The following ASAP2 variants were observed in gnomAD, a reference collection of about 807,000 sequenced individuals.
The protein encoded by ASAP2 is ArfGAP with SH3 domain, ankyrin repeat and PH domain 2, also known as arf-GAP with SH3 domain, ANK repeat and PH domain-containing protein 2.
ASAP2 carries 45 observed loss-of-function variants against 131.4 expected under a neutral mutation model. That is an observed-to-expected ratio of 0.34 (90% CI 0.27 to 0.44). The LOEUF is 0.44. Ranked by LOEUF, ASAP2 falls within the 20% of genes least tolerant of loss-of-function variation. The pLI is 1.00. For synonymous variants in ASAP2, 510 were observed against 503.0 expected (o/e 1.01, Z -0.19); for missense variants, 1,011 against 1,297.0 (o/e 0.78, Z 3.39).
At position 9,232,092 on chromosome 2, in the gene ASAP2, T is replaced by C. The variant is rs945947178; in HGVS notation, c.126+24862T>C. Among the ~76,000 whole-genome samples the C allele has an allele frequency of 9.2e-5, 14 of 152,242 alleles. No individual in the cohort carries two copies. The highest frequency in any genetic ancestry group is 2.2e-4 in the African/African-American group (9 of 41,462). On this transcript the variant is annotated intron_variant, in intron 1 of 27. Transcript: ENST00000281419. This position sits in a 1 kb window ranked among gnomAD's most constrained non-coding sequence, Gnocchi z 4.1. The stretch of plus-strand genomic sequence containing the variant: ...CCCACTGAGGTCATGGTGATTGTCT[T>C]AAAGATTTGCTCTTTAGCTTCTCAG...
Position 9,304,431 on chromosome 2 carries a change from G to A in ASAP2, c.345+6986G>A, listed in dbSNP as rs191875643. On this transcript the variant is annotated intron_variant, in intron 3 of 27. Coordinates refer to ENST00000281419, the MANE Select transcript of ASAP2 (RefSeq NM_003887.3). ...TACTGTGTGGAATGGCTCTAGTGGG[G>A]ATGTAGATAGGGGGTGGAAGGGCTG... Among the ~76,000 whole-genome samples the A allele has an allele frequency of 4.0e-3, 605 of 150,504 alleles. 2 individuals carry two copies. Among genetic ancestry groups the A allele is most frequent in the Non-Finnish European group, 7.3e-3 (492 of 67,652 alleles).
intron 2 of ASAP2, among the ~76,000 whole-genome samples, chr2:9,288,650 A>G (rs1039202530): frequency 3.3e-5 from 5 of 152,216 alleles, no homozygotes; most frequent in Admixed American, 1.3e-4. Context: ...GGATGTGAAT[A>G]TAATTGGGAG....
intron 5 of ASAP2, among the ~76,000 whole-genome samples, chr2:9,321,566 T>G (rs73157609): frequency 0.052 from 7,836 of 152,086 alleles, 596 homozygotes; most frequent in African/African-American, 0.17. Context: ...GGTTTCTGCT[T>G]GTCAGCCAGT....
intron 26 of ASAP2, 128 bp downstream of exon 26, chr2:9,400,958 T>G (rs1572647238): frequency 1.0e-6 from 1 of 980,944 alleles, no homozygotes; most frequent in Non-Finnish European, 1.5e-6. Context: ...CTCTTCTTGG[T>G]ACCTGACTGC....
At chr2:9,239,581 G>T (rs899716660) in intron 1 of ASAP2, among the ~76,000 whole-genome samples, 2 of 152,194 alleles carry the variant, frequency 1.3e-5, no homozygotes, top group African/African-American at 4.8e-5. Flanking sequence ...TTGAGGTCCA[G>T]CTTCTTGGAA....
intron 15 of ASAP2, among the ~76,000 whole-genome samples, chr2:9,367,650 G>A: frequency 6.6e-6 from 1 of 152,056 alleles, no homozygotes; most frequent in South Asian, 2.1e-4. Flanking sequence ...AGTCCCCGCT[G>A]CTTGGGAACC....
chr2:9,344,925 G>C (rs1481923101), intron 11 of ASAP2, 125 bp downstream of exon 11: 2 of 719,408 alleles, frequency 2.8e-6, no homozygotes, highest in African/African-American at 1.8e-5. Context: ...GTGTCTTAGA[G>C]AATTTCCCTG....
intron 12 of ASAP2, among the ~76,000 whole-genome samples, chr2:9,355,750 TTAAAA>T (rs1374455208): frequency 6.6e-5 from 10 of 152,210 alleles, no homozygotes; most frequent in Admixed American, 6.5e-4. Context: ...CTGTAGTGAG[TTAAAA>T]TGAAGCTATT....
intron 2 of ASAP2, among the ~76,000 whole-genome samples, chr2:9,293,636 T>C (rs2148376524): frequency 6.6e-6 from 1 of 152,304 alleles, no homozygotes; most frequent in Admixed American, 6.5e-5. Context: ...TGGGGTGATC[T>C]GCAGCAGTGG....
chr2:9,344,694 G>A (rs1408069634), intron 10 of ASAP2, 37 bp from the exon 11 acceptor site: 11 of 1,612,748 alleles, frequency 6.8e-6, no homozygotes, highest in Non-Finnish European at 9.3e-6. Flanking sequence ...TGTCCAAAAT[G>A]TCTAAACTCT....
intron 1 of ASAP2, among the ~76,000 whole-genome samples, chr2:9,249,598 A>C (rs980429464): frequency 6.6e-6 from 1 of 152,362 alleles, no homozygotes; most frequent in Non-Finnish European, 1.5e-5. Flanking sequence ...CTGACCCATC[A>C]CATAGACTGC....
In ASAP2 at chr2:9,379,025, G is replaced by A; in HGVS notation, c.1914G>A (p.Lys638=). 6.3e-7 allele frequency: 1 copy of A among 1,578,030 alleles called. No homozygotes were observed. The highest frequency in any genetic ancestry group is 1.2e-5 in the South Asian group (1 of 86,040). Residue 638 remains lysine (K), a synonymous_variant, in exon 19 of 28, where the codon AAG becomes AAA. Transcript: ENST00000281419. ...TGACCGACAATGCCGAGTGCCTCAA[G>A]TTGCTCCTGCGGGGGAAGGCCTCCA... is the stretch of plus-strand genomic sequence containing the variant. The part of the protein sequence containing the change: ...CCLTDNAECL[K]LLLRGKASIE...
rs1663253802 is a variant in ASAP2 at position 9,232,704 on chromosome 2, A to T, written c.126+25474A>T. Among the ~76,000 whole-genome samples, 1 of 152,198 alleles carries T rather than the reference A, an allele frequency of 6.6e-6. No homozygotes were observed. The highest frequency in any genetic ancestry group is 2.1e-4 in the South Asian group (1 of 4,828). ...AATATGTGTTTGTTGAATGAATAAA[A>T]CTGACAGGCAACTACAGCTTAGATT... On this transcript the variant is annotated intron_variant, in intron 1 of 27. Coordinates refer to ENST00000281419, the MANE Select transcript of ASAP2 (RefSeq NM_003887.3). The surrounding 1 kb of genome is among the most constrained non-coding windows in gnomAD (Gnocchi z 4.1).
chr2:9,229,559 T>C (rs540338593), intron 1 of ASAP2, among the ~76,000 whole-genome samples: 2 of 152,108 alleles, frequency 1.3e-5, no homozygotes, highest in Non-Finnish European at 2.9e-5. Flanking sequence ...AGCGGAGCGG[T>C]TGTGGCCAGC....
chr2:9,332,144 A>G (rs1204039992), intron 7 of ASAP2, among the ~76,000 whole-genome samples: 1 of 152,202 alleles, frequency 6.6e-6, no homozygotes, highest in African/African-American at 2.4e-5. Context: ...GCAGGCTAGA[A>G]AATGTTTAAT....
At chr2:9,324,374 T>A (rs1670351331) in intron 6 of ASAP2, among the ~76,000 whole-genome samples, 1 of 152,228 alleles carries the variant, frequency 6.6e-6, no homozygotes, top group Admixed American at 6.5e-5. Flanking sequence ...GAATATCTAC[T>A]TATCTTAGCC....
intron 2 of ASAP2, among the ~76,000 whole-genome samples, chr2:9,291,013 G>A (rs149195653): frequency 3.3e-4 from 50 of 152,214 alleles, no homozygotes; most frequent in African/African-American, 1.1e-3. Flanking sequence ...TTGCAAAATT[G>A]AGACTAAATA....
At position 9,400,039 on chromosome 2, in the gene ASAP2, C is replaced by T. The variant is rs754772345; in HGVS notation, c.2701C>T (p.Pro901Ser). The T allele has an allele frequency of 1.9e-6, 3 of 1,613,418 alleles. No individual in the cohort carries two copies. The highest frequency in any genetic ancestry group is 1.7e-5 in the Admixed American group (1 of 59,988). Residue 901 changes from proline (P) to serine (S), a missense_variant, in exon 25 of 28, where the codon CCA (proline) becomes TCA (serine). Coordinates refer to ENST00000281419, the MANE Select transcript of ASAP2 (RefSeq NM_003887.3). ...TCTTTGTAGGGCTGACAAGTCCACCCCACTGACCAACAAAGGCCAACCGAG... is the reference window on the plus strand; with the variant it reads ...TCTTTGTAGGGCTGACAAGTCCACCTCACTGACCAACAAAGGCCAACCGAG... ...KPAPGADKST[P>S]LTNKGQPRGP...
chr2:9,299,802 T>C lies in ASAP2; in HGVS notation c.345+2357T>C, dbSNP rs551527785. Among the ~76,000 whole-genome samples, 329 of 152,324 alleles carry C rather than the reference T, an allele frequency of 2.2e-3. 7 individuals carry two copies. Among genetic ancestry groups the C allele is most frequent in the Non-Finnish European group, 1.6e-3 (109 of 68,032 alleles). On this transcript the variant is annotated intron_variant, in intron 3 of 27. Transcript: ENST00000281419. ...ATGGAGATAATAATACCATACCTGATTGTGTGGATAGATTATAGCCAGCCG... is the reference window on the plus strand; with the variant it reads ...ATGGAGATAATAATACCATACCTGACTGTGTGGATAGATTATAGCCAGCCG...
Sources: gnomAD v4.1 joint callset for allele counts (sites outside exome capture counted in the v4.1 genomes callset) on GRCh38, gnomAD v4.1.1 for gene constraint, Gnocchi (gnomAD v3.1) non-coding constraint, MANE v1.5 for transcripts, NCBI Gene and HGNC (gene_info 2026-07-23, HGNC 2026-07-21) for gene names.